THSD7B: variants seen among roughly 807,000 people sequenced by gnomAD.
THSD7B encodes thrombospondin type-1 domain-containing protein 7B.
In THSD7B, 138 loss-of-function variants were observed where a neutral mutation model predicts 213.6. That is an observed-to-expected ratio of 0.65 (90% CI 0.56 to 0.74). THSD7B has a LOEUF of 0.74. Ranked by LOEUF, THSD7B falls within the 30% of genes least tolerant of loss-of-function variation. THSD7B has a pLI of 0.00. For missense variants in THSD7B, 1,931 were observed against 1,991.5 expected, an observed-to-expected ratio of 0.97 and a Z score of 0.58; for synonymous variants, 742 against 687.0, an observed-to-expected ratio of 1.08 and a Z score of -1.25.
intron 10 of THSD7B, among the ~76,000 whole-genome samples, chr2:137,264,328 C>T (rs1184132687): frequency 2.6e-5 from 4 of 151,558 alleles, no homozygotes; most frequent in Admixed American, 2.0e-4. Context: ...TTTCAGCTCA[C>T]GGCAAGCTCT....
At chr2:137,073,195 G>T (rs938661350) in intron 3 of THSD7B, among the ~76,000 whole-genome samples, 2 of 152,108 alleles carry the variant, frequency 1.3e-5, no homozygotes, top group African/African-American at 2.4e-5. Context: ...GTTCCTCTTT[G>T]TACCTCTGGT....
chr2:137,314,143 C>T (rs1313232748), intron 12 of THSD7B, among the ~76,000 whole-genome samples: 1 of 152,184 alleles, frequency 6.6e-6, no homozygotes, highest in Non-Finnish European at 1.5e-5. Flanking sequence ...TTCAGGTACA[C>T]CAATCAGATG....
intron 7 of THSD7B, among the ~76,000 whole-genome samples, chr2:137,217,081 A>G (rs753267974): frequency 2.6e-5 from 4 of 152,156 alleles, no homozygotes; most frequent in Admixed American, 6.5e-5. Context: ...ATTGTTTCTC[A>G]ACACTCCCCC....
At chr2:137,349,729 TTC>T (rs1245936481) in intron 12 of THSD7B, among the ~76,000 whole-genome samples, 1 of 151,838 alleles carries the variant, frequency 6.6e-6, no homozygotes, top group Non-Finnish European at 1.5e-5. Flanking sequence ...TCAAACTCTA[TTC>T]TCTCTCATTT....
chr2:137,357,796 T>C (rs1685167672), intron 12 of THSD7B, among the ~76,000 whole-genome samples: 1 of 152,182 alleles, frequency 6.6e-6, no homozygotes, highest in Non-Finnish European at 1.5e-5. Flanking sequence ...GTAGTGATGA[T>C]GAAATTACAA....
intron 2 of THSD7B, among the ~76,000 whole-genome samples, chr2:137,020,741 T>G (rs1302999943): frequency 6.6e-6 from 1 of 152,158 alleles, no homozygotes; most frequent in Non-Finnish European, 1.5e-5. Context: ...CAGTTTCATT[T>G]GTCAACTTGT....
intron 7 of THSD7B, among the ~76,000 whole-genome samples, chr2:137,226,847 TCGACAGA>T: frequency 1.3e-5 from 2 of 152,142 alleles, no homozygotes; most frequent in Non-Finnish European, 2.9e-5. Flanking sequence ...CAAATGTCTA[TCGACAGA>T]TGAATAAACA....
At chr2:137,514,534 T>G (rs1177498187) in intron 15 of THSD7B, among the ~76,000 whole-genome samples, 5 of 152,154 alleles carry the variant, frequency 3.3e-5, no homozygotes, top group Non-Finnish European at 7.3e-5. Flanking sequence ...AACTCCCCTT[T>G]ATATATATCT....
intron 12 of THSD7B, among the ~76,000 whole-genome samples, chr2:137,313,282 G>T (rs1276018926): frequency 6.6e-6 from 1 of 151,916 alleles, no homozygotes; most frequent in Non-Finnish European, 1.5e-5. Flanking sequence ...TGTCTCTTTT[G>T]ATCTTTGTTG....
At chr2:137,581,171 T>G (rs778662719) in intron 17 of THSD7B, among the ~76,000 whole-genome samples, 1 of 152,252 alleles carries the variant, frequency 6.6e-6, no homozygotes, top group Non-Finnish European at 1.5e-5. Context: ...CAAAAATGAT[T>G]ACTCAGTTCT....
chr2:137,280,659 C>G (rs1682984953), intron 12 of THSD7B, among the ~76,000 whole-genome samples: 1 of 151,944 alleles, frequency 6.6e-6, no homozygotes, highest in Non-Finnish European at 1.5e-5. Flanking sequence ...TCAAGGAGAC[C>G]CACGTGTTCT....
intron 14 of THSD7B, among the ~76,000 whole-genome samples, chr2:137,429,095 G>C (rs549908031): frequency 6.6e-6 from 1 of 152,172 alleles, no homozygotes; most frequent in Non-Finnish European, 1.5e-5. Flanking sequence ...AAGGTATTTT[G>C]TTATAGCAGC....
intron 2 of THSD7B, among the ~76,000 whole-genome samples, chr2:137,017,284 G>GT (rs35558906): frequency 0.054 from 7,812 of 145,818 alleles, 553 homozygotes; most frequent in East Asian, 0.33. Context: ...GGGCTTCCAT[G>GT]TTTTTTTTTT....
intron 2 of THSD7B, among the ~76,000 whole-genome samples, chr2:137,027,457 G>A (rs76037293): frequency 0.072 from 10,910 of 152,198 alleles, 426 homozygotes; most frequent in East Asian, 0.14. Flanking sequence ...CCTTTGCCCA[G>A]AAGGAACGCA....
At chr2:137,294,502 G>A (rs1017280717) in intron 12 of THSD7B, among the ~76,000 whole-genome samples, 3 of 145,808 alleles carry the variant, frequency 2.1e-5, no homozygotes, top group African/African-American at 7.7e-5. Context: ...AGAATCACTT[G>A]AACCCGGGAG....
intron 14 of THSD7B, among the ~76,000 whole-genome samples, chr2:137,415,679 T>G (rs1378672077): frequency 2.0e-5 from 3 of 150,148 alleles, no homozygotes; most frequent in South Asian, 4.3e-4. Flanking sequence ...TTTTTTTTTT[T>G]TTTTTTTTTT....
chr2:137,089,266 G>GTGTGTGTGTATGTATATATACATATATA (rs1164352897), intron 3 of THSD7B, among the ~76,000 whole-genome samples: 8,022 of 129,902 alleles, frequency 0.062, 360 homozygotes, highest in Non-Finnish European at 0.081. Context: ...GTGTGTGTGT[G>GTGTGTGTGTATGTATATATACATATATA]TGTGTGTGTA....
intron 2 of THSD7B, among the ~76,000 whole-genome samples, chr2:136,978,669 CTA>C (rs1267760509): frequency 6.6e-6 from 1 of 152,188 alleles, no homozygotes; most frequent in East Asian, 1.9e-4. Flanking sequence ...TATTTTGAGC[CTA>C]TGTTTGTCTT....
At chr2:137,429,057 T>A (rs1211567508) in intron 14 of THSD7B, among the ~76,000 whole-genome samples, 2 of 152,212 alleles carry the variant, frequency 1.3e-5, no homozygotes, top group African/African-American at 4.8e-5. Context: ...TAGAAATAAA[T>A]TTCTGTTGTT....
Sources: gnomAD v4.1 joint callset for allele counts (sites outside exome capture counted in the v4.1 genomes callset) on GRCh38, gnomAD v4.1.1 for gene constraint, MANE v1.5 for transcripts, NCBI Gene and HGNC (gene_info 2026-07-23, HGNC 2026-07-21) for gene names.